The following TRABD2B variants were observed in gnomAD, a reference collection of about 807,000 sequenced individuals.
TRABD2B encodes TraB domain containing 2B, also known as metalloprotease TIKI2.
TRABD2B carries 14 observed loss-of-function variants against 40.1 expected under a neutral mutation model. That is an observed-to-expected ratio of 0.35 (90% confidence interval 0.23 to 0.55). The LOEUF is 0.55. Among genes scored for constraint, TRABD2B ranks in the 20% least tolerant of loss-of-function variants. The pLI is 0.90. For missense variants in TRABD2B, 541 were observed against 648.6 expected, an observed-to-expected ratio of 0.83 and a Z score of 1.80; for synonymous variants, 263 against 277.0, an observed-to-expected ratio of 0.95 and a Z score of 0.50.
intron 2 of TRABD2B, among the ~76,000 whole-genome samples, chr1:47,925,985 C>T (rs996011027): frequency 6.6e-6 from 1 of 152,082 alleles, no homozygotes; most frequent in Admixed American, 6.5e-5. Flanking sequence ...CAACTTTTCC[C>T]TGTGTCATTC....
At chr1:47,861,228 G>A (rs528923444) in intron 2 of TRABD2B, among the ~76,000 whole-genome samples, 5 of 152,002 alleles carry the variant, frequency 3.3e-5, no homozygotes, top group South Asian at 2.1e-4. Flanking sequence ...TTCCCATCCC[G>A]AGGAGACATT....
chr1:47,878,644 T>A (rs933912474), intron 2 of TRABD2B, among the ~76,000 whole-genome samples: 3 of 152,182 alleles, frequency 2.0e-5, no homozygotes, highest in Admixed American at 2.0e-4. Flanking sequence ...AAATACAAAA[T>A]CTAGAATTGA....
chr1:47,850,527 T>C (rs1645533667), intron 2 of TRABD2B, among the ~76,000 whole-genome samples: 1 of 152,216 alleles, frequency 6.6e-6, no homozygotes, highest in African/African-American at 2.4e-5. Flanking sequence ...GCACATTGCA[T>C]GGACACTGCA....
intron 2 of TRABD2B, among the ~76,000 whole-genome samples, chr1:47,952,175 T>C (rs1458171794): frequency 1.3e-5 from 2 of 152,220 alleles, no homozygotes; most frequent in African/African-American, 2.4e-5. Context: ...GCACCTACAG[T>C]CTGAGGCCCC....
intron 2 of TRABD2B, among the ~76,000 whole-genome samples, chr1:47,892,454 G>C (rs1286823078): frequency 6.6e-6 from 1 of 152,244 alleles, no homozygotes; most frequent in African/African-American, 2.4e-5. Flanking sequence ...TATCACATCT[G>C]GATATATGAA....
chr1:47,775,081 G>A (rs1197935555), intron 6 of TRABD2B, 89 bp downstream of exon 6: 9 of 1,191,364 alleles, frequency 7.6e-6, no homozygotes, highest in African/African-American at 1.6e-5. Flanking sequence ...CTGGCCTGAC[G>A]ACAGTGTGCC....
At position 47,933,387 on chromosome 1, in the gene TRABD2B, C is replaced by T. The variant is rs1813411; in HGVS notation, c.666+60647G>A. On this transcript the variant is annotated intron_variant, in intron 2 of 6. Coordinates refer to ENST00000606738, the MANE Select transcript of TRABD2B (RefSeq NM_001194986.2). ...TCAGCCTCCCAAAGTGCTGGGATTA[C>T]AGGCGGGAGCTACCACACCCAACCT... is the stretch of plus-strand genomic sequence containing the variant. Among the ~76,000 whole-genome samples, 1,253 of 152,214 alleles carry T rather than the reference C, an allele frequency of 8.2e-3. 13 individuals carry two copies. Among genetic ancestry groups the T allele is most frequent in the Middle Eastern group, 0.034 (10 of 294 alleles).
chr1:47,862,707 G>A (rs1643991063), intron 2 of TRABD2B, among the ~76,000 whole-genome samples: 1 of 152,106 alleles, frequency 6.6e-6, no homozygotes, highest in Admixed American at 6.5e-5. Context: ...ATCCCACCAA[G>A]TTATTTTGTG....
intron 2 of TRABD2B, among the ~76,000 whole-genome samples, chr1:47,931,908 G>C (rs1027723650): frequency 6.6e-6 from 1 of 152,164 alleles, no homozygotes; most frequent in Non-Finnish European, 1.5e-5. Context: ...ATAAAGCAGA[G>C]GAAAGGGACA....
chr1:47,778,388 T>C (rs1644475547), intron 5 of TRABD2B, 66 bp downstream of exon 5: 1 of 1,207,344 alleles, frequency 8.3e-7, no homozygotes, highest in Non-Finnish European at 1.2e-6. Flanking sequence ...TCTTCACAGC[T>C]CTCCTGAAAG....
At chr1:47,855,051 T>C (rs946834) in intron 2 of TRABD2B, among the ~76,000 whole-genome samples, 112,665 of 152,100 alleles carry the variant, frequency 0.74, 42,072 homozygotes, top group East Asian at 0.98. Context: ...ACCTTGGCAC[T>C]GAGCTGAAAC....
At chr1:47,852,493 C>T (rs1570125878) in intron 2 of TRABD2B, among the ~76,000 whole-genome samples, 3 of 152,310 alleles carry the variant, frequency 2.0e-5, no homozygotes, top group African/African-American at 2.4e-5. Flanking sequence ...CATGTGGCTG[C>T]GCAACGCCAA....
intron 2 of TRABD2B, among the ~76,000 whole-genome samples, chr1:47,859,755 T>C (rs1643939065): frequency 6.6e-6 from 1 of 152,172 alleles, no homozygotes; most frequent in Non-Finnish European, 1.5e-5. Context: ...GTCCAGCTTC[T>C]CCCTTGAGGA....
chr1:47,854,878 G>T (rs917878833), intron 2 of TRABD2B, among the ~76,000 whole-genome samples: 1 of 152,156 alleles, frequency 6.6e-6, no homozygotes, highest in Admixed American at 6.6e-5. Flanking sequence ...TATGCCTTTG[G>T]AGTCACATGT....
At chr1:47,983,498 T>G (rs773613130) in intron 2 of TRABD2B, among the ~76,000 whole-genome samples, 1 of 151,464 alleles carries the variant, frequency 6.6e-6, no homozygotes, top group Non-Finnish European at 1.5e-5. Context: ...AAAAAAAAAA[T>G]GACAGTCAAG....
chr1:47,916,687 A>G (rs1445342066), intron 2 of TRABD2B, among the ~76,000 whole-genome samples: 1 of 152,242 alleles, frequency 6.6e-6, no homozygotes, highest in African/African-American at 2.4e-5. Context: ...CCCATTAGGG[A>G]AGCTGCAGGA....
intron 6 of TRABD2B, among the ~76,000 whole-genome samples, chr1:47,774,381 G>A (rs532904288): frequency 6.6e-6 from 1 of 152,304 alleles, no homozygotes; most frequent in African/African-American, 2.4e-5. Context: ...ATCACTGACA[G>A]TCCCTCCCTG....
intron 2 of TRABD2B, among the ~76,000 whole-genome samples, chr1:47,937,195 CCAT>C (rs1265254067): frequency 6.0e-5 from 9 of 149,656 alleles, no homozygotes; most frequent in Non-Finnish European, 1.0e-4. Context: ...ATCATTATCA[CCAT>C]CATCATCACC....
chr1:47,885,607 A>C (rs1644360788), intron 2 of TRABD2B, among the ~76,000 whole-genome samples: 1 of 152,090 alleles, frequency 6.6e-6, no homozygotes, highest in Non-Finnish European at 1.5e-5. Flanking sequence ...TCTCCCCCCA[A>C]ATCTCTGGGT....
Sources: allele counts gnomAD v4.1 joint callset (sites outside exome capture counted in the v4.1 genomes callset), GRCh38; gene constraint gnomAD v4.1.1; transcripts MANE v1.5; gene names NCBI Gene and HGNC (gene_info 2026-07-23, HGNC 2026-07-21).